DCC: variants seen among roughly 807,000 people sequenced by gnomAD.
The protein encoded by DCC is DCC netrin 1 receptor.
In DCC, 58 loss-of-function variants were observed where a neutral mutation model predicts 172.5. The ratio of observed to expected loss-of-function variants is 0.34; its 90% confidence interval spans 0.27 to 0.42. The LOEUF (loss-of-function observed/expected upper bound fraction) is 0.42. Ranked by LOEUF, DCC falls within the 10% of genes least tolerant of loss-of-function variation. The pLI, the probability that DCC is intolerant of heterozygous loss-of-function variation, is 1.00. For missense variants in DCC, 1,740 were observed against 1,791.0 expected, an observed-to-expected ratio of 0.97 and a Z score of 0.51; for synonymous variants, 709 against 644.5, an observed-to-expected ratio of 1.10 and a Z score of -1.52.
At chr18:53,083,104 T>C (rs976180537) in intron 7 of DCC, among the ~76,000 whole-genome samples, 1 of 152,126 alleles carries the variant, frequency 6.6e-6, no homozygotes, top group Non-Finnish European at 1.5e-5. Context: ...AACATAATCA[T>C]CAAAACATCT....
chr18:52,864,760 G>A (rs1185947993), intron 2 of DCC, among the ~76,000 whole-genome samples: 1 of 150,834 alleles, frequency 6.6e-6, no homozygotes, highest in African/African-American at 2.4e-5. Flanking sequence ...TTCAACTTAT[G>A]AGTGAGAACA....
At chr18:53,513,070 G>C (rs1432074489) in intron 27 of DCC, among the ~76,000 whole-genome samples, 1 of 152,116 alleles carries the variant, frequency 6.6e-6, no homozygotes, top group South Asian at 2.1e-4. Flanking sequence ...AGAAAGGTCG[G>C]GTTACCCTCA....
intron 15 of DCC, among the ~76,000 whole-genome samples, chr18:53,385,626 GCATTA>G (rs1908106731): frequency 2.0e-5 from 3 of 152,208 alleles, no homozygotes; most frequent in Non-Finnish European, 4.4e-5. Context: ...GTGCTTTCCA[GCATTA>G]GCTGATACCT....
chr18:52,588,677 G>T (rs888434910), intron 1 of DCC, among the ~76,000 whole-genome samples: 1 of 152,084 alleles, frequency 6.6e-6, no homozygotes, highest in Admixed American at 6.6e-5. Context: ...GGACAGTTTT[G>T]GGGGAGAAAA....
chr18:52,486,054 G>A (rs1483500618), intron 1 of DCC, among the ~76,000 whole-genome samples: 4 of 151,996 alleles, frequency 2.6e-5, no homozygotes, highest in East Asian at 3.9e-4. Context: ...GACAGCATTC[G>A]TGCAGTCATA....
chr18:53,475,042 G>A (rs1156350012), intron 25 of DCC, among the ~76,000 whole-genome samples: 1 of 152,228 alleles, frequency 6.6e-6, no homozygotes, highest in African/African-American at 2.4e-5. Context: ...GAGACTGGGG[G>A]CATTTTGCCC....
At chr18:53,181,227 C>G (rs576214897) in intron 9 of DCC, among the ~76,000 whole-genome samples, 16 of 152,002 alleles carry the variant, frequency 1.1e-4, no homozygotes, top group Admixed American at 9.8e-4. Context: ...CTAAAATTAT[C>G]GTAAAATTGT....
chr18:53,284,293 C>G (rs1430932974), intron 12 of DCC, among the ~76,000 whole-genome samples: 1 of 152,086 alleles, frequency 6.6e-6, no homozygotes, highest in Non-Finnish European at 1.5e-5. Flanking sequence ...TTTGCTGTGT[C>G]CCCATCCAAA....
chr18:53,485,809 C>T (rs2045893860), intron 25 of DCC, among the ~76,000 whole-genome samples: 1 of 151,798 alleles, frequency 6.6e-6, no homozygotes, highest in Non-Finnish European at 1.5e-5. Context: ...TTTGTATCTA[C>T]AATTATAATG....
At chr18:52,472,127 A>G (rs1158888966) in intron 1 of DCC, among the ~76,000 whole-genome samples, 5 of 152,180 alleles carry the variant, frequency 3.3e-5, no homozygotes, top group Non-Finnish European at 5.9e-5. Flanking sequence ...AACTTTGTAC[A>G]AGAATGGATT....
intron 15 of DCC, among the ~76,000 whole-genome samples, chr18:53,350,179 A>G (rs2057773522): frequency 6.6e-6 from 1 of 152,150 alleles, no homozygotes; most frequent in Admixed American, 6.6e-5. Context: ...TGTTCTTCCA[A>G]TTCTAATTAG....
chr18:53,251,234 T>C (rs912329588), intron 12 of DCC, among the ~76,000 whole-genome samples: 1 of 151,946 alleles, frequency 6.6e-6, no homozygotes, highest in Non-Finnish European at 1.5e-5. Flanking sequence ...AAATTCACCA[T>C]GATTTCCTAA....
At chr18:52,609,512 G>A (rs1415149147) in intron 1 of DCC, among the ~76,000 whole-genome samples, 1 of 152,092 alleles carries the variant, frequency 6.6e-6, no homozygotes, top group South Asian at 2.1e-4. Context: ...CAGCTTCTTC[G>A]TTGGATGGAG....
At chr18:52,875,903 C>T (rs909816451) in intron 2 of DCC, among the ~76,000 whole-genome samples, 5 of 152,188 alleles carry the variant, frequency 3.3e-5, no homozygotes, top group African/African-American at 7.2e-5. Flanking sequence ...TTTGCTTTAT[C>T]GGGCACCTGC....
intron 1 of DCC, among the ~76,000 whole-genome samples, chr18:52,548,065 G>A (rs1451743710): frequency 1.3e-5 from 2 of 152,168 alleles, no homozygotes; most frequent in Non-Finnish European, 2.9e-5. Context: ...GGCTGGAAAG[G>A]AAGCTGGATC....
At chr18:52,395,297 C>T (rs1260431079) in intron 1 of DCC, among the ~76,000 whole-genome samples, 1 of 151,986 alleles carries the variant, frequency 6.6e-6, no homozygotes, top group Non-Finnish European at 1.5e-5. Context: ...ATACTATTAT[C>T]CACCCAGCAA....
intron 1 of DCC, among the ~76,000 whole-genome samples, chr18:52,585,314 C>G (rs540446939): frequency 9.9e-5 from 15 of 152,254 alleles, no homozygotes; most frequent in African/African-American, 3.6e-4. Context: ...CATAGCCAGA[C>G]AGAAAACATT....
chr18:53,038,620 C>T (rs931099715), intron 5 of DCC, among the ~76,000 whole-genome samples: 9 of 151,956 alleles, frequency 5.9e-5, no homozygotes, highest in Admixed American at 3.9e-4. Flanking sequence ...CAGATGAAAG[C>T]TGAGACCCAG....
chr18:53,530,696 G>A lies in DCC; in HGVS notation c.*43G>A, dbSNP rs1311704382. 1.9e-6 allele frequency: 2 copies of A among 1,056,972 alleles called. No individual in the cohort carries two copies. Among genetic ancestry groups the A allele is most frequent in the South Asian group, 2.5e-5 (2 of 79,892 alleles). The allele number at this position is 1,056,972 out of a possible 1,614,324, so 65.5% of individuals were successfully genotyped here. On this transcript the variant is annotated 3_prime_UTR_variant, in exon 29 of 29. Transcript: ENST00000442544. Reference sequence around the variant, plus strand: ...ATGAGGTGAATTTTCCGGGAACTTTGCAGCATACCAATTACCCATAAACAG... The same window carrying A: ...ATGAGGTGAATTTTCCGGGAACTTTACAGCATACCAATTACCCATAAACAG...
Sources: gnomAD v4.1 joint callset for allele counts (sites outside exome capture counted in the v4.1 genomes callset) on GRCh38, gnomAD v4.1.1 for gene constraint, MANE v1.5 for transcripts, NCBI Gene and HGNC (gene_info 2026-07-23, HGNC 2026-07-21) for gene names.